GNAO1: variants seen among roughly 807,000 people sequenced by gnomAD.
GNAO1 encodes the protein guanine nucleotide-binding protein G(o) subunit alpha.
For missense variants in GNAO1, 166 were observed against 478.7 expected, an observed-to-expected ratio of 0.35 and a Z score of 6.10; for synonymous variants, 164 against 180.7, an observed-to-expected ratio of 0.91 and a Z score of 0.74.
intron 2 of GNAO1, among the ~76,000 whole-genome samples, chr16:56,257,174 T>C (rs1050790230): frequency 6.6e-5 from 10 of 151,890 alleles, no homozygotes; most frequent in African/African-American, 2.4e-4. Flanking sequence ...GGGACTGGGT[T>C]TGGGGGGGGG....
In GNAO1 at chr16:56,354,082, A is replaced by T. The variant is rs1887417195; in HGVS notation, c.878-784A>T. Reference sequence around the variant, plus strand: ...GGCCTCTTCTTAAAGGAAACCAATGAGGAAGGAGTGCAGGTCCCTCTGAGT... The same window carrying T: ...GGCCTCTTCTTAAAGGAAACCAATGTGGAAGGAGTGCAGGTCCCTCTGAGT... On this transcript the variant is annotated intron_variant, in intron 7 of 8. Coordinates refer to ENST00000262493, the MANE Select transcript of GNAO1 (RefSeq NM_020988.3). The surrounding 1 kb of genome is among the most constrained non-coding windows in gnomAD (Gnocchi z 4.3). 1.3e-5 allele frequency among the ~76,000 whole-genome samples: 2 copies of T among 152,214 alleles called. No individual in the cohort carries two copies. The highest frequency in any genetic ancestry group is 6.5e-5 in the Admixed American group (1 of 15,286).
chr16:56,193,525 CT>C (rs1416673029), intron 2 of GNAO1: 1 of 164,044 alleles, frequency 6.1e-6, no homozygotes, highest in African/African-American at 2.4e-5. Context: ...CCGCCGCCCC[CT>C]TCTGCCTTAG....
intron 2 of GNAO1, among the ~76,000 whole-genome samples, chr16:56,222,050 GGAGTTTACAA>G (rs1487903064): frequency 6.6e-6 from 1 of 152,170 alleles, no homozygotes; most frequent in Non-Finnish European, 1.5e-5. Context: ...GTTTTGCAAT[GGAGTTTACAA>G]GAGTTTTTAA....
At chr16:56,224,306 T>A (rs756594721) in intron 2 of GNAO1, among the ~76,000 whole-genome samples, 4 of 152,156 alleles carry the variant, frequency 2.6e-5, no homozygotes, top group Non-Finnish European at 5.9e-5. Context: ...CTTCCTGCAG[T>A]GGCCTTTGGA....
intron 2 of GNAO1, among the ~76,000 whole-genome samples, chr16:56,269,102 T>G (rs2036987524): frequency 6.6e-6 from 1 of 152,206 alleles, no homozygotes; most frequent in Non-Finnish European, 1.5e-5. Context: ...TCTCCGTCAG[T>G]GTTCAGAAAC....
chr16:56,253,295 G>A (rs377435716), intron 2 of GNAO1, among the ~76,000 whole-genome samples: 2 of 152,160 alleles, frequency 1.3e-5, no homozygotes, highest in South Asian at 2.1e-4. Context: ...GTCTTATCAC[G>A]AAGATTAGCA....
intron 2 of GNAO1, among the ~76,000 whole-genome samples, chr16:56,260,668 G>A (rs1050209252): frequency 6.6e-6 from 1 of 151,824 alleles, no homozygotes; most frequent in Non-Finnish European, 1.5e-5. Context: ...AGAGGGGATC[G>A]ATGTGGAAGC....
At chr16:56,200,348 C>T (rs111957622) in intron 2 of GNAO1, among the ~76,000 whole-genome samples, 7 of 152,214 alleles carry the variant, frequency 4.6e-5, no homozygotes, top group African/African-American at 1.4e-4. Flanking sequence ...AGGAAGAATA[C>T]GAGGTATATA....
At chr16:56,338,816 G>GC (rs2037769087) in intron 6 of GNAO1, among the ~76,000 whole-genome samples, 1 of 149,432 alleles carries the variant, frequency 6.7e-6, no homozygotes, top group Non-Finnish European at 1.5e-5. Context: ...TGAGCCTGGT[G>GC]CTGGGCCTGG....
rs547145522 is a variant in GNAO1 at position 56,354,011 on chromosome 16, C to G, written c.878-855C>G. 3.9e-5 allele frequency among the ~76,000 whole-genome samples: 6 copies of G among 152,360 alleles called. No individual in the cohort carries two copies. Among genetic ancestry groups the G allele is most frequent in the African/African-American group, 1.4e-4 (6 of 41,592 alleles). On this transcript the variant is annotated intron_variant, in intron 7 of 8. Coordinates refer to ENST00000262493, the MANE Select transcript of GNAO1 (RefSeq NM_020988.3). This position sits in a 1 kb window ranked among gnomAD's most constrained non-coding sequence, Gnocchi z 4.3. ...AATGCCCCAATGTCCTGGCCACTCGCTTAAGAACCACGCCTACTAATGATA... is the reference window on the plus strand; with the variant it reads ...AATGCCCCAATGTCCTGGCCACTCGGTTAAGAACCACGCCTACTAATGATA...
chr16:56,208,419 ATGTGTGTGTGTG>A (rs35244461), intron 2 of GNAO1, among the ~76,000 whole-genome samples: 7 of 148,838 alleles, frequency 4.7e-5, no homozygotes, highest in African/African-American at 1.5e-4. Flanking sequence ...GCTGCTATCA[ATGTGTGTGTGTG>A]TGTGTGTGTG....
chr16:56,194,085 G>A (rs1474297329), intron 2 of GNAO1: 2 of 456,362 alleles, frequency 4.4e-6, no homozygotes, highest in Non-Finnish European at 8.8e-6. Context: ...GGTTCTAGGC[G>A]GCGCCATGAT....
chr16:56,253,193 C>T (rs1188247080), intron 2 of GNAO1, among the ~76,000 whole-genome samples: 2 of 152,204 alleles, frequency 1.3e-5, no homozygotes, highest in Non-Finnish European at 2.9e-5. Context: ...CTCCCCAGGG[C>T]AGCCTGGCTC....
At chr16:56,269,427 G>A (rs1049493607) in intron 2 of GNAO1, among the ~76,000 whole-genome samples, 9 of 152,214 alleles carry the variant, frequency 5.9e-5, no homozygotes, top group African/African-American at 1.2e-4. Context: ...GTTCTCCCCC[G>A]TCCCTCGTAC....
At chr16:56,235,014 C>A in intron 2 of GNAO1, 1 of 285,574 alleles carries the variant, frequency 3.5e-6, no homozygotes, top group East Asian at 8.7e-5. Flanking sequence ...ACCCCACAGC[C>A]CCTCGGGGAG....
chr16:56,292,597 A>G (rs2037243300), intron 3 of GNAO1, among the ~76,000 whole-genome samples: 1 of 152,128 alleles, frequency 6.6e-6, no homozygotes, highest in African/African-American at 2.4e-5. Context: ...CGTGAGCTCA[A>G]GTGATCCACC....
chr16:56,348,403 C>T (rs1023790907), intron 6 of GNAO1, among the ~76,000 whole-genome samples: 6 of 152,194 alleles, frequency 3.9e-5, no homozygotes, highest in Admixed American at 6.5e-5. Context: ...GAAGTTGCTC[C>T]GTTCTGCGCC....
chr16:56,232,112 G>A (rs951482943), intron 2 of GNAO1, among the ~76,000 whole-genome samples: 3 of 151,784 alleles, frequency 2.0e-5, no homozygotes, highest in African/African-American at 7.3e-5. Context: ...ACGGATGTCT[G>A]CTTTAAAAAA....
intron 3 of GNAO1, among the ~76,000 whole-genome samples, chr16:56,287,155 A>G (rs1417255658): frequency 6.6e-6 from 1 of 152,210 alleles, no homozygotes; most frequent in Non-Finnish European, 1.5e-5. Context: ...TCGCCTTTCC[A>G]CTGTGGCCGC....
Sources: gnomAD v4.1 joint callset for allele counts (sites outside exome capture counted in the v4.1 genomes callset) on GRCh38, gnomAD v4.1.1 for gene constraint, Gnocchi (gnomAD v3.1) non-coding constraint, MANE v1.5 for transcripts, NCBI Gene and HGNC (gene_info 2026-07-23, HGNC 2026-07-21) for gene names.